Variants in TMEM204 observed in about 807,000 individuals in gnomAD.
TMEM204 encodes the protein claudin-like protein 24.
Under a neutral mutation model 19.4 loss-of-function variants are expected in TMEM204, and 15 were observed. The observed-to-expected ratio is 0.77, with a 90% CI of 0.52 to 1.19. The LOEUF (loss-of-function observed/expected upper bound fraction) is 1.19, where lower values mean the gene tolerates loss of function less well. TMEM204 is among the 50% of genes most tolerant of loss of function. The pLI, the probability that TMEM204 is intolerant of heterozygous loss-of-function variation, is 0.00. For synonymous variants in TMEM204, 161 were observed against 146.0 expected (o/e 1.10, Z -0.74); for missense variants, 287 against 321.2 (o/e 0.89, Z 0.81).
In TMEM204 at chr16:1,553,404, T is replaced by G; in HGVS notation, c.437-1378T>G. The G allele has an allele frequency of 1.0e-6, 1 of 985,384 alleles. No homozygotes were observed. Among genetic ancestry groups the G allele is most frequent in the Non-Finnish European group, 1.2e-6 (1 of 829,916 alleles). The allele number at this position is 985,384 out of a possible 1,614,324, so 61.0% of individuals were successfully genotyped here. A position where few individuals can be genotyped will look rare whatever the true frequency, so the allele number is the denominator to read the frequency against. ...GGGCATGATTTGGTTTCCTGGGGAATGCAGGGGAGGCGGTTGGGAGTGGAG... is the reference window on the plus strand; with the variant it reads ...GGGCATGATTTGGTTTCCTGGGGAAGGCAGGGGAGGCGGTTGGGAGTGGAG... On this transcript the variant is annotated intron_variant, in intron 2 of 2. Coordinates refer to ENST00000566264, the MANE Select transcript of TMEM204 (RefSeq NM_024600.6). The surrounding 1 kb of genome is among the most constrained non-coding windows in gnomAD (Gnocchi z 4.4).
upstream of TMEM204, among the ~76,000 whole-genome samples, chr16:1,529,278 T>G (rs988018512): frequency 3.3e-5 from 5 of 152,124 alleles, no homozygotes; most frequent in African/African-American, 1.2e-4. Context: ...GGAGAGGGTG[T>G]GTCCAAACCC....
chr16:1,541,913 G>A lies in TMEM204; in HGVS notation c.281-8G>A. ...ACTCACCACTGCCTCTCTGCTCTTG[G>A]CCCACAGTGCAGTTCGACATGATGC... On this transcript the variant is annotated splice_polypyrimidine_tract_variant and splice_region_variant and intron_variant, in intron 1 of 2. Coordinates refer to ENST00000566264, the MANE Select transcript of TMEM204 (RefSeq NM_024600.6). 3 of 1,582,492 alleles carry A rather than the reference G, an allele frequency of 1.9e-6. No homozygotes were observed. The highest frequency in any genetic ancestry group is 2.6e-6 in the Non-Finnish European group (3 of 1,163,312).
rs536032896 is a variant in TMEM204 at position 1,549,252 on chromosome 16, C to T, written c.437-5530C>T. Among the ~76,000 whole-genome samples, 14 of 152,338 alleles carry T rather than the reference C, an allele frequency of 9.2e-5. No homozygotes were observed. In the South Asian group the frequency reaches 1.5e-3, roughly 16 times the overall value. On this transcript the variant is annotated intron_variant, in intron 2 of 2. Transcript: ENST00000566264. The stretch of plus-strand genomic sequence containing the variant: ...GACGCTGCTCTCCACACAGAAGTCA[C>T]GTAAATGCAAAATTTTACTTAGCCT...
chr16:1,546,470 G>A (rs931250987), intron 2 of TMEM204, among the ~76,000 whole-genome samples: 1 of 152,202 alleles, frequency 6.6e-6, no homozygotes, highest in East Asian at 1.9e-4. Context: ...GTGCAGTGGA[G>A]AGTGACCACT....
upstream of TMEM204, among the ~76,000 whole-genome samples, chr16:1,529,982 C>A (rs1187024967): frequency 6.6e-6 from 1 of 152,138 alleles, no homozygotes; most frequent in Non-Finnish European, 1.5e-5. Flanking sequence ...GATGCCACGG[C>A]TCCTCACAGA....
At chr16:1,549,492 A>G (rs2032458224) in intron 2 of TMEM204, among the ~76,000 whole-genome samples, 2 of 152,126 alleles carry the variant, frequency 1.3e-5, no homozygotes, top group Non-Finnish European at 2.9e-5. Context: ...AATGGCGTGC[A>G]ATCTCGGCTC....
At chr16:1,530,131 A>ATTTTTTTTTTTTTTTTTTTTT (rs2030295926), upstream of TMEM204, among the ~76,000 whole-genome samples, 1 of 126,540 alleles carries the variant, frequency 7.9e-6, no homozygotes, top group African/African-American at 3.7e-5. Flanking sequence ...CACGACGGGA[A>ATTTTTTTTTTTTTTTTTTTTT]TCTTTTTTTT....
chr16:1,544,947 C>T (rs994309547), intron 2 of TMEM204, among the ~76,000 whole-genome samples: 9 of 152,330 alleles, frequency 5.9e-5, no homozygotes, highest in African/African-American at 2.2e-4. Context: ...GGCACCCGGC[C>T]CAGATCACTG....
At chr16:1,543,221 C>T (rs563966780) in intron 2 of TMEM204, among the ~76,000 whole-genome samples, 5 of 152,374 alleles carry the variant, frequency 3.3e-5, no homozygotes, top group Non-Finnish European at 7.3e-5. Flanking sequence ...GCCGGTGCAG[C>T]GTTCTGCAGG....
In TMEM204 at chr16:1,555,112, C is replaced by T; in HGVS notation, c.*86C>T. 6.6e-7 allele frequency: 1 copy of T among 1,504,316 alleles called. No individual in the cohort carries two copies. The highest frequency in any genetic ancestry group is 8.9e-7 in the Non-Finnish European group (1 of 1,125,892). 93.2% of individuals were successfully genotyped at this position (1,504,316 alleles called of 1,614,324 possible). A position where few individuals can be genotyped will look rare whatever the true frequency, so the allele number is the denominator to read the frequency against. On this transcript the variant is annotated 3_prime_UTR_variant, in exon 3 of 3. Transcript: ENST00000566264. ...AGGGACTCCACCACCAAGTCACTTCCCCTGCTCGTGCAGAGGCACGGGATG... is the reference window on the plus strand; with the variant it reads ...AGGGACTCCACCACCAAGTCACTTCTCCTGCTCGTGCAGAGGCACGGGATG...
chr16:1,553,587 G>C lies in TMEM204; in HGVS notation c.437-1195G>C. Reference sequence around the variant, plus strand: ...AATCTGGACCAGTGTAAGTTACAGAGAGTCTCTGGCACTTTGGGTACAAGA... The same window carrying C: ...AATCTGGACCAGTGTAAGTTACAGACAGTCTCTGGCACTTTGGGTACAAGA... On this transcript the variant is annotated intron_variant, in intron 2 of 2. Coordinates refer to ENST00000566264, the MANE Select transcript of TMEM204 (RefSeq NM_024600.6). The surrounding 1 kb of genome is among the most constrained non-coding windows in gnomAD (Gnocchi z 4.4). 1 of 1,023,410 alleles carries C rather than the reference G, an allele frequency of 9.8e-7. No individual in the cohort carries two copies. The highest frequency in any genetic ancestry group is 1.2e-6 in the Non-Finnish European group (1 of 851,206). The allele number at this position is 1,023,410 out of a possible 1,614,324, so 63.4% of individuals were successfully genotyped here.
chr16:1,532,817 C>G (rs752193268), upstream of TMEM204: 1 of 152,368 alleles, frequency 6.6e-6, no homozygotes, highest in South Asian at 2.1e-4. Flanking sequence ...GCAGAATAGA[C>G]GAAGATGCTT....
At position 1,552,753 on chromosome 16, in the gene TMEM204, A is replaced by G. The variant is rs116501307; in HGVS notation, c.437-2029A>G. On this transcript the variant is annotated intron_variant, in intron 2 of 2. Transcript: ENST00000566264. The stretch of plus-strand genomic sequence containing the variant: ...AACCTCCGCCTCTTGGGTTCAAGCA[A>G]TTCTCTGCTTCAGTCTCCTGAGTAA... Among the ~76,000 whole-genome samples, 417 of 151,506 alleles carry G rather than the reference A, an allele frequency of 2.8e-3. 6 individuals carry two copies. Among genetic ancestry groups the G allele is most frequent in the African/African-American group, 9.8e-3 (402 of 41,230 alleles).
upstream of TMEM204, chr16:1,528,924 G>T (rs2030133632): frequency 6.6e-6 from 1 of 152,214 alleles, no homozygotes; most frequent in Admixed American, 6.5e-5. Flanking sequence ...TCTCCGGGAG[G>T]TGTGGGCTGC....
chr16:1,547,039 T>C (rs1340245152), intron 2 of TMEM204, among the ~76,000 whole-genome samples: 2 of 152,228 alleles, frequency 1.3e-5, no homozygotes, highest in Admixed American at 1.3e-4. Context: ...TATGCTGGGC[T>C]TAGCTGGGTT....
upstream of TMEM204, among the ~76,000 whole-genome samples, chr16:1,530,133 C>CTTTTTTTTTTTTTTTTTTTTTTTT (rs922819138): frequency 1.9e-4 from 17 of 88,586 alleles, 1 homozygote; most frequent in African/African-American, 4.9e-4. Context: ...CGACGGGAAT[C>CTTTTTTTTTTTTTTTTTTTTTTTT]TTTTTTTTTT....
intron 2 of TMEM204, among the ~76,000 whole-genome samples, chr16:1,544,161 GCACCTGC>G (rs569784189): frequency 0.04 from 6,084 of 150,302 alleles, 173 homozygotes; most frequent in Middle Eastern, 0.063. Context: ...GGGATTGCAG[GCACCTGC>G]CACCACGCCC....
Position 1,553,875 on chromosome 16 carries a change from G to C in TMEM204, c.437-907G>C. ...CTGTTATCCTAGTTGGTAGACTCTA[G>C]TCACGAAACCCTGATTTTCCTGTTG... is the stretch of plus-strand genomic sequence containing the variant. On this transcript the variant is annotated intron_variant, in intron 2 of 2. Transcript: ENST00000566264. This position sits in a 1 kb window ranked among gnomAD's most constrained non-coding sequence, Gnocchi z 4.4. The C allele has an allele frequency of 8.0e-7, 1 of 1,254,676 alleles. No homozygotes were observed. The highest frequency in any genetic ancestry group is 2.5e-5 in the Admixed American group (1 of 40,136). The allele number at this position is 1,254,676 out of a possible 1,614,324, so 77.7% of individuals were successfully genotyped here.
In TMEM204 at chr16:1,541,449, G is replaced by C. The variant is rs187784543; in HGVS notation, c.281-472G>C. On this transcript the variant is annotated intron_variant, in intron 1 of 2. Transcript: ENST00000566264. The stretch of plus-strand genomic sequence containing the variant: ...GCTTGGGGGTCGGGCAGCTGAGCAC[G>C]CAGGACAGCACGCCTGAGGAGCTGG... The C allele has an allele frequency of 5.1e-6, 5 of 985,322 alleles. No individual in the cohort carries two copies. In the South Asian group the frequency reaches 2.3e-4, roughly 46 times the overall value. 61.0% of individuals were successfully genotyped at this position (985,322 alleles called of 1,614,324 possible). A position where few individuals can be genotyped will look rare whatever the true frequency, so the allele number is the denominator to read the frequency against.
Sources: gnomAD v4.1 joint callset for allele counts (sites outside exome capture counted in the v4.1 genomes callset) on GRCh38, gnomAD v4.1.1 for gene constraint, Gnocchi (gnomAD v3.1) non-coding constraint, MANE v1.5 for transcripts, NCBI Gene and HGNC (gene_info 2026-07-23, HGNC 2026-07-21) for gene names.